Variants in GREB1L observed in about 807,000 individuals in gnomAD.
GREB1L encodes the protein GREB1-like protein.
A neutral mutation model predicts 200.8 loss-of-function variants in GREB1L; 17 were observed. The observed-to-expected ratio is 0.08, with a 90% CI of 0.06 to 0.13. The LOEUF (loss-of-function observed/expected upper bound fraction) is 0.13. Among genes scored for constraint, GREB1L ranks in the 10% least tolerant of loss-of-function variants. The pLI is 1.00. For synonymous variants in GREB1L, 789 were observed against 893.0 expected, an observed-to-expected ratio of 0.88 and a Z score of 2.08; for missense variants, 1,657 against 2,367.7, an observed-to-expected ratio of 0.70 and a Z score of 6.23.
intron 1 of GREB1L, among the ~76,000 whole-genome samples, chr18:21,341,329 T>C (rs1393515999): frequency 6.6e-6 from 1 of 152,218 alleles, no homozygotes; most frequent in African/African-American, 2.4e-5. Flanking sequence ...GTTCCTCCAG[T>C]TGAAAGTTTG....
chr18:21,460,174 C>T (rs1232594263), intron 15 of GREB1L, among the ~76,000 whole-genome samples: 1 of 146,798 alleles, frequency 6.8e-6, no homozygotes, highest in Non-Finnish European at 1.5e-5. Flanking sequence ...TTTTTGTTTT[C>T]GTTTTTGTTT....
chr18:21,395,105 C>CAAA (rs372663303), intron 4 of GREB1L, among the ~76,000 whole-genome samples: 2 of 64,058 alleles, frequency 3.1e-5, no homozygotes, highest in Non-Finnish European at 3.4e-5. Flanking sequence ...GACTCCATCT[C>CAAA]AAAAAAAAAA....
chr18:21,519,694 T>C (rs377452660), intron 31 of GREB1L, among the ~76,000 whole-genome samples: 2 of 152,182 alleles, frequency 1.3e-5, no homozygotes, highest in East Asian at 3.9e-4. Flanking sequence ...GTACTATTGT[T>C]ATCTCTACAG....
At chr18:21,417,367 C>CA (rs900911729) in intron 7 of GREB1L, among the ~76,000 whole-genome samples, 7 of 151,218 alleles carry the variant, frequency 4.6e-5, no homozygotes, top group Admixed American at 1.3e-4. Context: ...ACTAAAAATG[C>CA]AAAAAAAATT....
At chr18:21,425,266 A>G (rs550688652) in intron 7 of GREB1L, among the ~76,000 whole-genome samples, 2 of 152,264 alleles carry the variant, frequency 1.3e-5, no homozygotes, top group South Asian at 4.1e-4. Flanking sequence ...TTATCCATAC[A>G]ATATACAATC....
chr18:21,518,292 T>TG, intron 31 of GREB1L, 58 bp downstream of exon 31: 1 of 1,479,178 alleles, frequency 6.8e-7, no homozygotes, highest in Non-Finnish European at 9.1e-7. Context: ...CTTTCTCATT[T>TG]TAGCTGTTTA....
intron 2 of GREB1L, among the ~76,000 whole-genome samples, chr18:21,378,487 C>A (rs1258343031): frequency 1.3e-5 from 2 of 152,062 alleles, no homozygotes; most frequent in Non-Finnish European, 2.9e-5. Context: ...GATTCTCCTG[C>A]CTCAGCCTTC....
intron 1 of GREB1L, among the ~76,000 whole-genome samples, chr18:21,300,786 C>G (rs902482031): frequency 7.2e-5 from 11 of 152,158 alleles, no homozygotes; most frequent in Non-Finnish European, 1.5e-4. Flanking sequence ...ACCCCTTCTT[C>G]CCCAACAGGA....
intron 21 of GREB1L, among the ~76,000 whole-genome samples, chr18:21,497,676 AAAAG>A (rs1449521614): frequency 1.3e-5 from 2 of 151,982 alleles, no homozygotes; most frequent in Non-Finnish European, 2.9e-5. Context: ...GAGGGAAAAA[AAAAG>A]AAAGAAGAAA....
chr18:21,504,823 G>T (rs186187158), intron 23 of GREB1L, among the ~76,000 whole-genome samples: 62 of 152,288 alleles, frequency 4.1e-4, no homozygotes, highest in African/African-American at 1.5e-3. Context: ...GCCTGAAGGT[G>T]TGACGCTGTA....
intron 30 of GREB1L, among the ~76,000 whole-genome samples, chr18:21,517,596 C>T (rs1417085743): frequency 2.6e-5 from 4 of 152,142 alleles, no homozygotes; most frequent in East Asian, 1.9e-4. Context: ...AAGATCAAAA[C>T]CTGTATTACT....
In GREB1L at chr18:21,525,012, G is replaced by GTGTGTGTATATATATA. The variant is rs55641891; in HGVS notation, c.*2192_*2193insGTGTGTATATATATAT. ...AAGCACAGGACACCATGATTTGTGT[G>GTGTGTGTATATATATA]TATATATATATATATCCTAGTGTGT... On this transcript the variant is annotated 3_prime_UTR_variant, in exon 33 of 33. Coordinates refer to ENST00000424526, the MANE Select transcript of GREB1L (RefSeq NM_001142966.3). 37 of 145,176 alleles carry GTGTGTGTATATATATA rather than the reference G, an allele frequency of 2.5e-4. No homozygotes were observed. Among genetic ancestry groups the GTGTGTGTATATATATA allele is most frequent in the African/African-American group, 9.2e-4 (37 of 40,216 alleles). 9.0% of individuals were successfully genotyped at this position (145,176 alleles called of 1,614,324 possible).
chr18:21,361,152 G>A (rs2039574761), intron 1 of GREB1L, among the ~76,000 whole-genome samples: 1 of 152,140 alleles, frequency 6.6e-6, no homozygotes, highest in Non-Finnish European at 1.5e-5. Context: ...GGCTAATGTG[G>A]TCCAAAACAT....
chr18:21,343,521 G>A (rs1028659643), intron 1 of GREB1L, among the ~76,000 whole-genome samples: 1 of 152,068 alleles, frequency 6.6e-6, no homozygotes, highest in African/African-American at 2.4e-5. Context: ...CAACAAGAGA[G>A]GGCATAAGCA....
chr18:21,243,209 C>T (rs2037534572), intron 1 of GREB1L, among the ~76,000 whole-genome samples: 1 of 152,114 alleles, frequency 6.6e-6, no homozygotes, highest in Non-Finnish European at 1.5e-5. Flanking sequence ...GTCCCTCTTC[C>T]CAGCTCCATT....
chr18:21,467,160 G>T (rs1249259269), intron 15 of GREB1L, among the ~76,000 whole-genome samples: 1 of 152,048 alleles, frequency 6.6e-6, no homozygotes, highest in Non-Finnish European at 1.5e-5. Flanking sequence ...AGAAGAAAAT[G>T]GGTATAAATA....
At chr18:21,382,371 G>T (rs188917274) in intron 2 of GREB1L, among the ~76,000 whole-genome samples, 2 of 151,924 alleles carry the variant, frequency 1.3e-5, no homozygotes, top group East Asian at 3.9e-4. Flanking sequence ...AAATAGTTTT[G>T]ACTTTGTGGA....
intron 1 of GREB1L, among the ~76,000 whole-genome samples, chr18:21,243,581 G>C (rs1353368557): frequency 6.6e-6 from 1 of 152,140 alleles, no homozygotes; most frequent in Non-Finnish European, 1.5e-5. Context: ...TCCCACAAAA[G>C]GTTTTTGAAC....
At chr18:21,317,846 TCA>T (rs2144876607) in intron 1 of GREB1L, 1 of 152,340 alleles carries the variant, frequency 6.6e-6, no homozygotes, top group East Asian at 1.9e-4. Context: ...GCACGGTGGC[TCA>T]CACCTGTAAT....
Sources: allele counts gnomAD v4.1 joint callset (sites outside exome capture counted in the v4.1 genomes callset), GRCh38; gene constraint gnomAD v4.1.1; transcripts MANE v1.5; gene names NCBI Gene and HGNC (gene_info 2026-07-23, HGNC 2026-07-21).